SLC19A1: variants seen among roughly 807,000 people sequenced by gnomAD.
The protein encoded by SLC19A1 is reduced folate transporter.
SLC19A1 carries 37 observed loss-of-function variants against 35.3 expected under a neutral mutation model. The ratio of observed to expected loss-of-function variants is 1.05; its 90% CI spans 0.81 to 1.38. The LOEUF (loss-of-function observed/expected upper bound fraction) is 1.38. SLC19A1 is among the 40% of genes most tolerant of loss of function. The pLI, the probability that SLC19A1 is intolerant of heterozygous loss-of-function variation, is 0.00. For missense variants in SLC19A1, 831 were observed against 826.9 expected, an observed-to-expected ratio of 1.00 and a Z score of -0.06; for synonymous variants, 460 against 398.5, an observed-to-expected ratio of 1.15 and a Z score of -1.84.
intron 5 of SLC19A1, among the ~76,000 whole-genome samples, chr21:45,524,918 G>C (rs114442743): frequency 6.6e-6 from 1 of 152,250 alleles, no homozygotes; most frequent in South Asian, 2.1e-4. Context: ...TGGGTCGGGG[G>C]TGTTGTACCC....
chr21:45,509,065 C>G (rs781449301), downstream of SLC19A1, among the ~76,000 whole-genome samples: 21 of 152,212 alleles, frequency 1.4e-4, no homozygotes, highest in Non-Finnish European at 2.4e-4. Flanking sequence ...GGAGCCGCGG[C>G]AAAGGAGAGG....
At chr21:45,507,555 T>C in intron 3 of SLC19A1, 2 of 1,612,060 alleles carry the variant, frequency 1.2e-6, no homozygotes, top group Non-Finnish European at 1.7e-6. Flanking sequence ...TGCTGCTTTC[T>C]TCCAGCTGGA....
At chr21:45,551,319 T>G (rs1292634949) in intron 1 of SLC19A1, among the ~76,000 whole-genome samples, 1 of 152,176 alleles carries the variant, frequency 6.6e-6, no homozygotes, top group East Asian at 1.9e-4. Flanking sequence ...TTCTCATTAT[T>G]TTTTCTTTTT....
intron 4 of SLC19A1, among the ~76,000 whole-genome samples, chr21:45,527,732 C>A (rs1190850310): frequency 1.7e-5 from 2 of 116,966 alleles, no homozygotes; most frequent in Non-Finnish European, 3.6e-5. Context: ...TACTGCGGGC[C>A]CTGGAGGTGA....
At position 45,516,030 on chromosome 21, in the gene SLC19A1, C is replaced by G. The variant is rs779281364; in HGVS notation, c.1404G>C (p.Pro468=). The change falls in exon 6 of 6, where the codon CCG becomes CCC. Residue 468 remains proline, a synonymous_variant. Transcript: ENST00000311124. ...CCGCGGCACTCCTCAGGCCCTGGGC[C>G]GGGGGCTGCCGCGGGTGGTGGCCCC... ...CQRGHHPRQP[P]AQGLRSAAEE... is the part of the protein sequence containing the mutation. 1 of 1,578,920 alleles carries G rather than the reference C, an allele frequency of 6.3e-7. No homozygotes were observed. The highest frequency in any genetic ancestry group is 8.6e-7 in the Non-Finnish European group (1 of 1,163,718).
rs780538241 is a variant in SLC19A1, at chr21:45,531,012, G to A, written c.950-41C>T. The A allele has an allele frequency of 6.2e-6, 7 of 1,130,618 alleles. No homozygotes were observed. In the Admixed American group the frequency reaches 1.6e-4, roughly 26 times the overall value. The allele number at this position is 1,130,618 out of a possible 1,614,324, so 70.0% of individuals were successfully genotyped here. Reference sequence around the variant, plus strand: ...TGGGGCGTTGCAGCGGCCCTGGGGGGCCACGGGGCAGGGGGAGGTAGCGGG... The same window carrying A: ...TGGGGCGTTGCAGCGGCCCTGGGGGACCACGGGGCAGGGGGAGGTAGCGGG... On this transcript the variant is annotated intron_variant, in intron 3 of 5. Transcript: ENST00000311124.
intron 1 of SLC19A1, among the ~76,000 whole-genome samples, chr21:45,539,675 CAGAG>C (rs1263302992): frequency 6.6e-6 from 1 of 152,152 alleles, no homozygotes; most frequent in East Asian, 1.9e-4. Flanking sequence ...CTTCAGGGAC[CAGAG>C]AGAGAGACCC....
At position 45,514,932 on chromosome 21, in the gene SLC19A1, C is replaced by T. The variant is rs2146183037; in HGVS notation, c.*726G>A. Reference sequence around the variant, plus strand: ...CGTCCGCGGTGACCGGGACCAGTCCCCTCCGGGCTGGCACAAGTGTGGGAG... The same window carrying T: ...CGTCCGCGGTGACCGGGACCAGTCCTCTCCGGGCTGGCACAAGTGTGGGAG... On this transcript the variant is annotated 3_prime_UTR_variant, in exon 6 of 6. Coordinates refer to ENST00000311124, the MANE Select transcript of SLC19A1 (RefSeq NM_194255.4). The T allele has an allele frequency of 7.1e-7, 1 of 1,406,820 alleles. No homozygotes were observed. Among genetic ancestry groups the T allele is most frequent in the Non-Finnish European group, 9.4e-7 (1 of 1,061,618 alleles). 87.1% of individuals were successfully genotyped at this position (1,406,820 alleles called of 1,614,324 possible). A position where few individuals can be genotyped will look rare whatever the true frequency, so the allele number is the denominator to read the frequency against.
At chr21:45,531,024 G>A (rs2077868735) in intron 3 of SLC19A1, 53 bp from the exon 4 acceptor site, 2 of 1,285,570 alleles carry the variant, frequency 1.6e-6, no homozygotes, top group African/African-American at 1.6e-5. Context: ...CACGGGGCAG[G>A]GGGAGGTAGC....
At chr21:45,503,947 G>A in intron 3 of SLC19A1, 3 of 1,592,122 alleles carry the variant, frequency 1.9e-6, no homozygotes, top group East Asian at 2.2e-5. Flanking sequence ...GCTGGGGGCT[G>A]CAGAGGGAAC....
At position 45,515,438 on chromosome 21, in the gene SLC19A1, C is replaced by T. The variant is rs948842579; in HGVS notation, c.*220G>A. On this transcript the variant is annotated 3_prime_UTR_variant, in exon 6 of 6. Coordinates refer to ENST00000311124, the MANE Select transcript of SLC19A1 (RefSeq NM_194255.4). ...CCACCTCTTCCAGCAACAAAGCCCG[C>T]GGGGCACAGTGCAGGGACAGCATGG... 17 of 1,458,180 alleles carry T rather than the reference C, an allele frequency of 1.2e-5. No homozygotes were observed. Among genetic ancestry groups the T allele is most frequent in the Non-Finnish European group, 1.4e-5 (16 of 1,115,412 alleles). 90.3% of individuals were successfully genotyped at this position (1,458,180 alleles called of 1,614,324 possible).
At chr21:45,543,220 C>T (rs550400129), upstream of SLC19A1, among the ~76,000 whole-genome samples, 2 of 152,310 alleles carry the variant, frequency 1.3e-5, no homozygotes, top group African/African-American at 4.8e-5. Flanking sequence ...CGTGGGGCTG[C>T]GGCAGACAGC....
chr21:45,507,339 C>G, intron 3 of SLC19A1: 1 of 605,786 alleles, frequency 1.7e-6, no homozygotes, highest in Admixed American at 2.6e-5. Context: ...GGGCCGGGTG[C>G]TGGGCAGGGA....
downstream of SLC19A1, chr21:45,510,318 G>T: frequency 2.6e-6 from 4 of 1,530,300 alleles, no homozygotes; most frequent in East Asian, 9.8e-5. Flanking sequence ...GACCTCTGGG[G>T]TGAACTCCCA....
chr21:45,510,052 C>T (rs771748902), downstream of SLC19A1: 5 of 1,549,692 alleles, frequency 3.2e-6, no homozygotes, highest in South Asian at 1.2e-5. Flanking sequence ...TGACGCGCCC[C>T]TCTCCCCGCA....
intron 1 of SLC19A1, among the ~76,000 whole-genome samples, chr21:45,550,920 C>CG (rs1339771212): frequency 9.6e-6 from 1 of 103,678 alleles, no homozygotes; most frequent in African/African-American, 4.4e-5. Flanking sequence ...CCCACCCTCC[C>CG]CCCGCCTCCC....
chr21:45,506,060 G>A (rs370034439), intron 3 of SLC19A1: 31 of 1,588,186 alleles, frequency 2.0e-5, no homozygotes, highest in East Asian at 6.7e-5. Flanking sequence ...CCCCGGACAG[G>A]GATGGGAGCA....
At chr21:45,548,172 G>T (rs541156583), upstream of SLC19A1, among the ~76,000 whole-genome samples, 66 of 152,308 alleles carry the variant, frequency 4.3e-4, 1 homozygote, top group South Asian at 0.012. Flanking sequence ...TGGGGAAAGG[G>T]TGGTCTCTAG....
rs370203451 is a variant in SLC19A1, at chr21:45,540,776, C to T, written c.-50+1592G>A. On this transcript the variant is annotated intron_variant, in intron 1 of 5. Transcript: ENST00000311124. This position sits in a 1 kb window ranked among gnomAD's most constrained non-coding sequence, Gnocchi z 5.5. ...GGAAGTCCCCGACCAGACAGGAGGG[C>T]CACGGGGAAGCAGAGAGAATCCCTG... Among the ~76,000 whole-genome samples, 28 of 152,262 alleles carry T rather than the reference C, an allele frequency of 1.8e-4. 1 individual carries two copies. The South Asian group carries it at 3.5e-3, about 19-fold the overall frequency.
Sources: allele counts gnomAD v4.1 joint callset (sites outside exome capture counted in the v4.1 genomes callset), GRCh38; gene constraint gnomAD v4.1.1; non-coding constraint Gnocchi (gnomAD v3.1); transcripts MANE v1.5; gene names NCBI Gene and HGNC (gene_info 2026-07-23, HGNC 2026-07-21).